The following NPHP1 variants were observed in gnomAD, a reference collection of about 807,000 sequenced individuals.
NPHP1 encodes the protein nephrocystin 1, also known as nephrocystin-1.
A neutral mutation model predicts 90.4 loss-of-function variants in NPHP1; 70 were observed. The observed-to-expected ratio is 0.77, with a 90% CI of 0.64 to 0.95. The LOEUF is 0.95. Among genes scored for constraint, NPHP1 ranks in the 40% least tolerant of loss-of-function variants. The pLI is 0.00. For synonymous variants in NPHP1, 256 were observed against 271.7 expected, an observed-to-expected ratio of 0.94 and a Z score of 0.57; for missense variants, 764 against 795.9, an observed-to-expected ratio of 0.96 and a Z score of 0.48.
rs184038386 is a variant in NPHP1, at chr2:110,129,353, T to A, written c.1643-94A>T. 6.3e-5 allele frequency: 59 copies of A among 938,216 alleles called. No homozygotes were observed. The African/African-American group carries it at 8.4e-4, about 13-fold the overall frequency. 58.1% of individuals were successfully genotyped at this position (938,216 alleles called of 1,614,324 possible). ...AAAAATATTCAGATGAAAATTATTG[T>A]GCCAAATGATTTGTTGATAACACAT... is the stretch of plus-strand genomic sequence containing the variant. On this transcript the variant is annotated intron_variant, in intron 17 of 19. Transcript: ENST00000445609.
chr2:110,125,202 T>C (rs537672034), intron 19 of NPHP1: 3 of 1,532,538 alleles, frequency 2.0e-6, no homozygotes, highest in East Asian at 4.9e-5. Flanking sequence ...TTAAAGCAAG[T>C]TCGGATTGGT....
intron 2 of NPHP1, among the ~76,000 whole-genome samples, chr2:110,198,567 CCTT>C (rs1019578431): frequency 4.6e-5 from 7 of 152,084 alleles, no homozygotes; most frequent in Admixed American, 4.6e-4. Context: ...TGCTCTCCCT[CCTT>C]ACCAGGGGAT....
chr2:110,190,737 C>T (rs1684660341), intron 2 of NPHP1, among the ~76,000 whole-genome samples: 1 of 152,182 alleles, frequency 6.6e-6, no homozygotes, highest in Admixed American at 6.5e-5. Context: ...GTGAGGACTG[C>T]CAGCATGCTG....
chr2:110,139,425 C>T (rs556852389), intron 16 of NPHP1, among the ~76,000 whole-genome samples: 5 of 152,278 alleles, frequency 3.3e-5, no homozygotes, highest in African/African-American at 1.2e-4. Context: ...TATTTGCTCT[C>T]TTTTTCTTAT....
intron 1 of NPHP1, 88 bp downstream of exon 1, chr2:110,204,812 T>C (rs1403028498): frequency 7.3e-7 from 1 of 1,370,346 alleles, no homozygotes; most frequent in Non-Finnish European, 1.0e-6. Context: ...CTCCCAGGAT[T>C]AGGTGGGGTC....
intron 11 of NPHP1, among the ~76,000 whole-genome samples, chr2:110,157,054 C>T (rs1047632307): frequency 1.1e-4 from 17 of 152,090 alleles, no homozygotes; most frequent in Non-Finnish European, 2.2e-4. Flanking sequence ...GGATTACAGG[C>T]GTGAGCCACT....
In NPHP1 at chr2:110,163,145, G is replaced by A. The variant is rs1485154000; in HGVS notation, c.772-10C>T. On this transcript the variant is annotated splice_polypyrimidine_tract_variant and intron_variant, in intron 8 of 19. Transcript: ENST00000445609. ...CAACAGTGTTTATCTGCTGAAGACA[G>A]TAACATCAAAATGGATTTGTTTTCA... The A allele has an allele frequency of 6.3e-7, 1 of 1,585,174 alleles. No individual in the cohort carries two copies. The highest frequency in any genetic ancestry group is 1.7e-5 in the Admixed American group (1 of 59,996).
chr2:110,132,435 A>G (rs1190514124), intron 16 of NPHP1, among the ~76,000 whole-genome samples: 1 of 152,178 alleles, frequency 6.6e-6, no homozygotes, highest in Non-Finnish European at 1.5e-5. Context: ...CAGGTGAATC[A>G]CTTGAGGTCA....
intron 2 of NPHP1, among the ~76,000 whole-genome samples, chr2:110,179,997 A>G (rs775822868): frequency 6.6e-6 from 1 of 152,146 alleles, no homozygotes; most frequent in South Asian, 2.1e-4. Context: ...CCATAAACCT[A>G]GGAACTAGCC....
At chr2:110,139,416 A>G (rs190898344) in intron 16 of NPHP1, among the ~76,000 whole-genome samples, 206 of 152,250 alleles carry the variant, frequency 1.4e-3, no homozygotes, top group Non-Finnish European at 1.9e-3. Flanking sequence ...TGAAGCATCT[A>G]TTTGCTCTCT....
At chr2:110,193,444 CAAG>C in intron 2 of NPHP1, among the ~76,000 whole-genome samples, 1 of 152,194 alleles carries the variant, frequency 6.6e-6, no homozygotes, top group Non-Finnish European at 1.5e-5. Context: ...ATCAATTCAA[CAAG>C]AAGAGGTAAC....
At chr2:110,141,449 A>G (rs1559054532) in intron 16 of NPHP1, among the ~76,000 whole-genome samples, 1 of 152,110 alleles carries the variant, frequency 6.6e-6, no homozygotes. Flanking sequence ...ATGTTAAATG[A>G]CTAGTCTAGG....
intron 11 of NPHP1, among the ~76,000 whole-genome samples, chr2:110,153,892 A>C (rs1681683775): frequency 6.6e-6 from 1 of 152,040 alleles, no homozygotes; most frequent in African/African-American, 2.4e-5. Flanking sequence ...GTGAGGCAGG[A>C]GAAGTGCTTA....
At chr2:110,150,729 T>C (rs1452122258) in intron 11 of NPHP1, among the ~76,000 whole-genome samples, 1 of 151,718 alleles carries the variant, frequency 6.6e-6, no homozygotes, top group Admixed American at 6.6e-5. Context: ...TTTGTATTTT[T>C]AGTAGAGACG....
Position 110,180,982 on chromosome 2 carries a change from T to C in NPHP1, c.144-1298A>G, listed in dbSNP as rs184658245. Among the ~76,000 whole-genome samples, 89 of 152,236 alleles carry C rather than the reference T, an allele frequency of 5.8e-4. 3 individuals carry two copies. Among genetic ancestry groups the C allele is most frequent in the Admixed American group, 4.8e-3 (73 of 15,300 alleles). On this transcript the variant is annotated intron_variant, in intron 2 of 19. Transcript: ENST00000445609. ...CCCAGCAAGGGGGGATATCCATCTG[T>C]ATATATCCCTAGAAAGGGAGCTGAA...
At chr2:110,204,543 T>C (rs1685797709) in intron 1 of NPHP1, among the ~76,000 whole-genome samples, 1 of 151,860 alleles carries the variant, frequency 6.6e-6, no homozygotes, top group Admixed American at 6.6e-5. Context: ...CAGAGTTGGG[T>C]TGGAAATGGT....
intron 2 of NPHP1, among the ~76,000 whole-genome samples, chr2:110,182,311 A>G (rs569720338): frequency 1.3e-5 from 2 of 152,072 alleles, no homozygotes; most frequent in African/African-American, 4.8e-5. Flanking sequence ...CCATGAGAAG[A>G]TCAACCCCAA....
chr2:110,135,449 C>A (rs973861721), intron 16 of NPHP1, among the ~76,000 whole-genome samples: 1 of 132,232 alleles, frequency 7.6e-6, no homozygotes, highest in African/African-American at 3.0e-5. Flanking sequence ...CGCACTCCAA[C>A]CTGGGAGACA....
chr2:110,201,071 T>G (rs1685545337), intron 2 of NPHP1, among the ~76,000 whole-genome samples: 1 of 152,150 alleles, frequency 6.6e-6, no homozygotes, highest in Non-Finnish European at 1.5e-5. Flanking sequence ...AACACCCACC[T>G]AGAAAACAGT....
Sources: gnomAD v4.1 joint callset for allele counts (sites outside exome capture counted in the v4.1 genomes callset) on GRCh38, gnomAD v4.1.1 for gene constraint, MANE v1.5 for transcripts, NCBI Gene and HGNC (gene_info 2026-07-23, HGNC 2026-07-21) for gene names.